PCDHGB2: variants seen among roughly 807,000 people sequenced by gnomAD.
PCDHGB2 encodes the protein protocadherin gamma-B2.
Under a neutral mutation model 59.3 loss-of-function variants are expected in PCDHGB2, and 55 were observed. The ratio of observed to expected loss-of-function variants is 0.93; its 90% CI spans 0.75 to 1.16. The LOEUF is 1.16. Among genes scored for constraint, PCDHGB2 ranks in the 50% most tolerant of loss-of-function variants. The probability of loss-of-function intolerance (pLI) is 0.00; values close to 1 mark genes in which losing one functional copy is unlikely to be tolerated. For synonymous variants in PCDHGB2, 516 were observed against 512.0 expected (o/e 1.01, Z -0.11); for missense variants, 1,228 against 1,198.5 (o/e 1.02, Z -0.36).
chr5:141,365,954 C>T lies in PCDHGB2; in HGVS notation c.2421+3398C>T, dbSNP rs553082212. 5.6e-6 allele frequency: 9 copies of T among 1,614,236 alleles called. No homozygotes were observed. The East Asian group carries it at 1.3e-4, about 24-fold the overall frequency. ...AGCCAGCGACAGTGGGAACCCTCCA[C>T]TTAGCAGCAACGTGTCGCTGAGCCT... On this transcript the variant is annotated intron_variant, in intron 1 of 3. Coordinates refer to ENST00000522605, the MANE Select transcript of PCDHGB2 (RefSeq NM_018923.3).
chr5:141,393,315 C>A, intron 1 of PCDHGB2: 1 of 1,613,104 alleles, frequency 6.2e-7, no homozygotes. Flanking sequence ...GAACTCCCTC[C>A]AGAGCTACCA....
Position 141,361,532 on chromosome 5 carries a change from C to T in PCDHGB2, c.1397C>T (p.Pro466Leu). 1 of 1,614,034 alleles carries T rather than the reference C, an allele frequency of 6.2e-7. No homozygotes were observed. Among genetic ancestry groups the T allele is most frequent in the East Asian group, 2.2e-5 (1 of 44,878 alleles). ...SYMVHVAENNPPGASIAQISA... is the reference protein window; with the variant it reads ...SYMVHVAENNLPGASIAQISA... ...ATGGTTCACGTGGCAGAGAACAATC[C>T]TCCTGGCGCCTCTATCGCTCAAATC... The change falls in exon 1 of 4, where the codon CCT (proline) becomes CTT (leucine). Residue 466 changes from proline to leucine, a missense_variant. Coordinates refer to ENST00000522605, the MANE Select transcript of PCDHGB2 (RefSeq NM_018923.3).
At chr5:141,438,136 A>C (rs2097931548) in intron 1 of PCDHGB2, among the ~76,000 whole-genome samples, 1 of 152,186 alleles carries the variant, frequency 6.6e-6, no homozygotes, top group Non-Finnish European at 1.5e-5. Flanking sequence ...TAATGGCAAA[A>C]GATAGCCAGC....
intron 1 of PCDHGB2, among the ~76,000 whole-genome samples, chr5:141,401,668 A>G (rs2094180828): frequency 6.6e-6 from 1 of 152,254 alleles, no homozygotes; most frequent in Non-Finnish European, 1.5e-5. Flanking sequence ...TTTTCTCAAC[A>G]TCCTTGTAGG....
intron 1 of PCDHGB2, chr5:141,419,707 C>G (rs781629810): frequency 6.2e-7 from 1 of 1,613,180 alleles, no homozygotes. Flanking sequence ...AGCCCGGGCT[C>G]TTCAGCCTGG....
At chr5:141,481,649 C>G (rs1199734660) in intron 1 of PCDHGB2, among the ~76,000 whole-genome samples, 1 of 152,012 alleles carries the variant, frequency 6.6e-6, no homozygotes, top group African/African-American at 2.4e-5. Flanking sequence ...GAAACTTCAT[C>G]TCTACTAATA....
In PCDHGB2 at chr5:141,486,049, C is replaced by T. The variant is rs766853468; in HGVS notation, c.2422-8758C>T. 1 of 1,614,206 alleles carries T rather than the reference C, an allele frequency of 6.2e-7. No homozygotes were observed. The highest frequency in any genetic ancestry group is 8.5e-7 in the Non-Finnish European group (1 of 1,180,034). ...ATACCCCTGATCGTGTAAGAAACCT[C>T]TTTAGCCTGCACCCCACTACTGGAA... On this transcript the variant is annotated intron_variant, in intron 1 of 3. Transcript: ENST00000522605. The surrounding 1 kb of genome is among the most constrained non-coding windows in gnomAD (Gnocchi z 5.0).
At chr5:141,509,376 C>A (rs2099876528) in intron 3 of PCDHGB2, among the ~76,000 whole-genome samples, 1 of 152,122 alleles carries the variant, frequency 6.6e-6, no homozygotes, top group African/African-American at 2.4e-5. Flanking sequence ...TTAACTGTCT[C>A]CTAACCACAG....
chr5:141,374,959 C>T, intron 1 of PCDHGB2: 1 of 1,614,014 alleles, frequency 6.2e-7, no homozygotes, highest in Non-Finnish European at 8.5e-7. Context: ...CACAAATTTT[C>T]TGTTTGAATG....
chr5:141,410,579 G>A (rs760249748), intron 1 of PCDHGB2: 17 of 1,610,792 alleles, frequency 1.1e-5, no homozygotes, highest in Non-Finnish European at 1.4e-5. Context: ...TCCACCTCAT[G>A]GTGGGGAGGA....
chr5:141,496,215 T>C (rs2099767024), intron 2 of PCDHGB2, among the ~76,000 whole-genome samples: 3 of 152,114 alleles, frequency 2.0e-5, no homozygotes, highest in Non-Finnish European at 4.4e-5. Context: ...TATGAATTCC[T>C]GCTGAGACAG....
Position 141,360,880 on chromosome 5 carries a change from G to A in PCDHGB2, c.745G>A (p.Val249Ile). 6.2e-7 allele frequency: 1 copy of A among 1,614,004 alleles called. No individual in the cohort carries two copies. Among genetic ancestry groups the A allele is most frequent in the Non-Finnish European group, 8.5e-7 (1 of 1,179,894 alleles). ...AGTGTTCAGCCAGGACGTGTACAGG[G>A]TCACCCTGAGGGAGGACGTGCCGCC... Reference protein sequence around the residue: ...PPVFSQDVYRVTLREDVPPGF... With the variant: ...PPVFSQDVYRITLREDVPPGF... The change falls in exon 1 of 4, where the codon GTC (valine) becomes ATC (isoleucine). Residue 249 changes from valine to isoleucine, a missense_variant. By Grantham distance (29) the Val-to-Ile change is conservative. Around this residue, in one of 3 missense-constraint regions of PCDHGB2, gnomAD observed 781 missense variants for 721.6 expected, o/e 1.08. Coordinates refer to ENST00000522605, the MANE Select transcript of PCDHGB2 (RefSeq NM_018923.3).
At chr5:141,407,179 C>T (rs566759065) in intron 1 of PCDHGB2, among the ~76,000 whole-genome samples, 2 of 152,256 alleles carry the variant, frequency 1.3e-5, no homozygotes, top group South Asian at 2.1e-4. Context: ...GACATACAGA[C>T]ATTTTAATTA....
At chr5:141,370,462 C>G in intron 1 of PCDHGB2, 12 of 1,612,864 alleles carry the variant, frequency 7.4e-6, no homozygotes, top group Non-Finnish European at 8.5e-6. Context: ...TTCCTGCTCT[C>G]TTTGTTAGAC....
chr5:141,413,737 A>AC, intron 1 of PCDHGB2: 1 of 1,613,410 alleles, frequency 6.2e-7, no homozygotes, highest in Non-Finnish European at 8.5e-7. Flanking sequence ...AAGAGTTCAG[A>AC]GCCGTGCCAA....
chr5:141,370,930 C>T lies in PCDHGB2; in HGVS notation c.2421+8374C>T, dbSNP rs753377715. ...TACCTCAGCCCTGATCCGCACTTCT[C>T]TTTGATTCAGAAGGAGAACCTGGAT... On this transcript the variant is annotated intron_variant, in intron 1 of 3. Transcript: ENST00000522605. 16 of 1,613,894 alleles carry T rather than the reference C, an allele frequency of 9.9e-6. No homozygotes were observed. The African/African-American group carries it at 2.1e-4, about 22-fold the overall frequency.
At position 141,360,957 on chromosome 5, in the gene PCDHGB2, C is replaced by A; in HGVS notation, c.822C>A (p.Asn274Lys). 3 of 1,613,904 alleles carry A rather than the reference C, an allele frequency of 1.9e-6. No homozygotes were observed. The highest frequency in any genetic ancestry group is 2.2e-5 in the South Asian group (2 of 91,080). The change falls in exon 1 of 4, where the codon AAC becomes AAA. Residue 274 changes from asparagine to lysine, a missense_variant. This residue lies in a region of PCDHGB2 where 781 missense variants were observed against 721.6 expected (regional missense o/e 1.08). Coordinates refer to ENST00000522605, the MANE Select transcript of PCDHGB2 (RefSeq NM_018923.3). The part of the protein sequence containing the change: ...VTATDRDEGI[N>K]AEITYSFHNV... ...CCACCGACCGGGATGAAGGCATAAA[C>A]GCAGAGATCACCTACTCCTTTCATA...
chr5:141,438,627 T>TAC (rs2098030812), intron 1 of PCDHGB2, among the ~76,000 whole-genome samples: 3 of 48,012 alleles, frequency 6.2e-5, no homozygotes, highest in Non-Finnish European at 1.0e-4. Flanking sequence ...TATATATATA[T>TAC]ATATATATAC....
rs185280755 is a variant in PCDHGB2 at position 141,476,824 on chromosome 5, C to T, written c.2422-17983C>T. Reference sequence around the variant, plus strand: ...TGCCTATTCACATCAAGGTGCTGGACGCGAATGACAATGCGCCTGTCTTCA... The same window carrying T: ...TGCCTATTCACATCAAGGTGCTGGATGCGAATGACAATGCGCCTGTCTTCA... On this transcript the variant is annotated intron_variant, in intron 1 of 3. Transcript: ENST00000522605. This position sits in a 1 kb window ranked among gnomAD's most constrained non-coding sequence, Gnocchi z 7.6. 24 of 1,613,588 alleles carry T rather than the reference C, an allele frequency of 1.5e-5. No homozygotes were observed. The East Asian group carries it at 4.5e-4, about 30-fold the overall frequency.
Sources: gnomAD v4.1 joint callset for allele counts (sites outside exome capture counted in the v4.1 genomes callset) on GRCh38, gnomAD v4.1.1 for gene constraint, gnomAD v4.1.1 regional missense constraint, Gnocchi (gnomAD v3.1) non-coding constraint, MANE v1.5 for transcripts, NCBI Gene and HGNC (gene_info 2026-07-23, HGNC 2026-07-21) for gene names.